Variants in SORL1 observed in about 807,000 individuals in gnomAD.
The protein encoded by SORL1 is sortilin related receptor 1, also known as sortilin-related receptor.
SORL1 carries 127 observed loss-of-function variants against 273.7 expected under a neutral mutation model. The observed-to-expected ratio is 0.46, with a 90% CI of 0.40 to 0.54. The LOEUF (loss-of-function observed/expected upper bound fraction) is 0.54. Ranked by LOEUF, SORL1 falls within the 20% of genes least tolerant of loss-of-function variation. The pLI is 0.00. For synonymous variants in SORL1, 1,031 were observed against 1,067.4 expected (o/e 0.97, Z 0.66); for missense variants, 2,494 against 2,846.1 (o/e 0.88, Z 2.81).
At position 121,543,190 on chromosome 11, in the gene SORL1, CAAAAAAAAAGAA is replaced by C. The variant is rs542276698; in HGVS notation, c.1686-340_1686-329del. ...TGGGTGACAGAGTGAGACTCCATCT[CAAAAAAAAAGAA>C]AAAAAAAAAGAAAAAAATTTCTCTT... is the stretch of plus-strand genomic sequence containing the variant. On this transcript the variant is annotated intron_variant, in intron 12 of 47. Coordinates refer to ENST00000260197, the MANE Select transcript of SORL1 (RefSeq NM_003105.6). Among the ~76,000 whole-genome samples the C allele has an allele frequency of 5.6e-3, 771 of 136,582 alleles. 7 individuals carry two copies. Among genetic ancestry groups the C allele is most frequent in the African/African-American group, 0.02 (736 of 36,858 alleles). The allele number at this position is 136,582 out of a possible 152,430, so 89.6% of individuals were successfully genotyped here.
chr11:121,589,936 T>G, intron 29 of SORL1, 104 bp from the exon 30 acceptor site: 1 of 1,376,422 alleles, frequency 7.3e-7, no homozygotes, highest in Admixed American at 1.9e-5. Context: ...GTGGGAAGTG[T>G]GGGTTGCCCT....
intron 40 of SORL1, 37 bp from the exon 41 acceptor site, chr11:121,614,834 A>G: frequency 6.3e-7 from 1 of 1,586,224 alleles, no homozygotes; most frequent in Non-Finnish European, 8.6e-7. Context: ...TAACACCCCC[A>G]ACTTCCTCCT....
In SORL1 at chr11:121,629,948, C is replaced by A. The variant is rs1393118640; in HGVS notation, c.*385C>A. The A allele has an allele frequency of 4.7e-6, 1 of 212,260 alleles. No individual in the cohort carries two copies. Among genetic ancestry groups the A allele is most frequent in the African/African-American group, 2.3e-5 (1 of 42,790 alleles). The allele number at this position is 212,260 out of a possible 1,614,324, so 13.1% of individuals were successfully genotyped here. ...GAGAGTGATGGGTGGAACCCCTTCT[C>A]CTTGAAAGTGTGTACAGATATTCCA... On this transcript the variant is annotated 3_prime_UTR_variant, in exon 48 of 48. Coordinates refer to ENST00000260197, the MANE Select transcript of SORL1 (RefSeq NM_003105.6).
At chr11:121,512,561 A>G (rs1861896070) in intron 6 of SORL1, among the ~76,000 whole-genome samples, 1 of 152,256 alleles carries the variant, frequency 6.6e-6, no homozygotes, top group Non-Finnish European at 1.5e-5. Context: ...ATCTAAAAAT[A>G]GGAGTAGAAA....
chr11:121,481,418 A>G (rs1263838452), intron 3 of SORL1, among the ~76,000 whole-genome samples: 29 of 121,214 alleles, frequency 2.4e-4, no homozygotes, highest in Non-Finnish European at 4.6e-4. Flanking sequence ...CCTCCTCCCC[A>G]GCTCCTCTCC....
At chr11:121,578,053 A>G (rs1862962614) in intron 25 of SORL1, among the ~76,000 whole-genome samples, 1 of 152,218 alleles carries the variant, frequency 6.6e-6, no homozygotes. Context: ...ATTCCATTTT[A>G]TAATCATCAC....
At chr11:121,597,600 G>A (rs1342269410) in intron 32 of SORL1, among the ~76,000 whole-genome samples, 2 of 151,980 alleles carry the variant, frequency 1.3e-5, no homozygotes, top group Admixed American at 6.6e-5. Context: ...TAGCTGGGAC[G>A]ACAGGCATGC....
At chr11:121,558,489 C>A in intron 19 of SORL1, 102 bp from the exon 20 acceptor site, 1 of 1,213,344 alleles carries the variant, frequency 8.2e-7, no homozygotes, top group South Asian at 1.3e-5. Flanking sequence ...AAATAACCAG[C>A]CGGATCATTC....
rs769806986 is a variant in SORL1, at chr11:121,557,371, C to T, written c.2629C>T (p.Arg877Cys). Residue 877 changes from arginine to cysteine, a missense_variant, in exon 19 of 48, where the codon CGT becomes TGT. Physicochemically the swap from Arg to Cys is radical, Grantham distance 180. Coordinates refer to ENST00000260197, the MANE Select transcript of SORL1 (RefSeq NM_003105.6). The stretch of plus-strand genomic sequence containing the variant: ...AATCGTCAATTCCTCTGTGCTTGAT[C>T]GTCCCAGGGCTCTGGTCCTCGTGCC... ...LTIVNSSVLD[R>C]PRALVLVPQE... 18 of 1,614,036 alleles carry T rather than the reference C, an allele frequency of 1.1e-5. No homozygotes were observed. Among genetic ancestry groups the T allele is most frequent in the South Asian group, 3.3e-5 (3 of 91,092 alleles).
chr11:121,619,771 T>C lies in SORL1; in HGVS notation c.5743T>C (p.Tyr1915His). The change falls in exon 43 of 48, where the codon TAC (tyrosine) becomes CAC (histidine). Residue 1915 changes from tyrosine to histidine, a missense_variant. By Grantham distance (83) the Tyr-to-His change is moderately conservative (BLOSUM62 2). Around this residue, in one of 3 missense-constraint regions of SORL1, gnomAD observed 1,609 missense variants for 1,816.4 expected, o/e 0.89. Transcript: ENST00000260197. ...GCTTCAGGTCCGTGTAGTGGTACCC[T>C]ACCAGGGGCCATCCTCTGACTACGT... is the stretch of plus-strand genomic sequence containing the variant. ...YLFLVRVVVP[Y>H]QGPSSDYVVV... 6.2e-7 allele frequency: 1 copy of C among 1,614,182 alleles called. No individual in the cohort carries two copies. Among genetic ancestry groups the C allele is most frequent in the Non-Finnish European group, 8.5e-7 (1 of 1,179,982 alleles).
chr11:121,469,922 T>A lies in SORL1; in HGVS notation c.286-85T>A, dbSNP rs1861143871. On this transcript the variant is annotated intron_variant, in intron 1 of 47. Coordinates refer to ENST00000260197, the MANE Select transcript of SORL1 (RefSeq NM_003105.6). The stretch of plus-strand genomic sequence containing the variant: ...TGGCAGAATCTTCATCATTTCTGCT[T>A]GACAAAGGAGGAAAGAGTCTTGATT... 6 of 983,018 alleles carry A rather than the reference T, an allele frequency of 6.1e-6. No individual in the cohort carries two copies. The South Asian group carries it at 7.9e-5, about 13-fold the overall frequency. 60.9% of individuals were successfully genotyped at this position (983,018 alleles called of 1,614,324 possible).
At chr11:121,548,180 GTA>G (rs1862461031) in intron 14 of SORL1, among the ~76,000 whole-genome samples, 1 of 152,206 alleles carries the variant, frequency 6.6e-6, no homozygotes, top group Admixed American at 6.5e-5. Flanking sequence ...ACTTTTAAAT[GTA>G]TGATGGGGCC....
At chr11:121,459,460 T>C (rs554230407) in intron 1 of SORL1, among the ~76,000 whole-genome samples, 16 of 152,152 alleles carry the variant, frequency 1.1e-4, no homozygotes, top group Non-Finnish European at 2.1e-4. Flanking sequence ...GAGACAGTGG[T>C]CCTTCTTTCC....
chr11:121,590,201 G>A, intron 30 of SORL1, 27 bp downstream of exon 30: 4 of 1,611,524 alleles, frequency 2.5e-6, no homozygotes, highest in Non-Finnish European at 3.4e-6. Flanking sequence ...GCCTGGGTTA[G>A]CCCCATAACC....
chr11:121,595,519 T>C lies in SORL1; in HGVS notation c.4370-104T>C, dbSNP rs1863279637. On this transcript the variant is annotated intron_variant, in intron 31 of 47. Transcript: ENST00000260197. This position sits in a 1 kb window ranked among gnomAD's most constrained non-coding sequence, Gnocchi z 5.1. Reference sequence around the variant, plus strand: ...CTCGCATTTGTCTTCAGGTTCCCATTGTAATTTCTAAAGCACCGTAATCTC... The same window carrying C: ...CTCGCATTTGTCTTCAGGTTCCCATCGTAATTTCTAAAGCACCGTAATCTC... 1.9e-6 allele frequency: 2 copies of C among 1,047,230 alleles called. No individual in the cohort carries two copies. The highest frequency in any genetic ancestry group is 4.4e-5 in the Admixed American group (2 of 45,424). The allele number at this position is 1,047,230 out of a possible 1,614,324, so 64.9% of individuals were successfully genotyped here. A position where few individuals can be genotyped will look rare whatever the true frequency, so the allele number is the denominator to read the frequency against.
At chr11:121,615,547 A>T (rs1863627594) in intron 41 of SORL1, among the ~76,000 whole-genome samples, 1 of 152,034 alleles carries the variant, frequency 6.6e-6, no homozygotes, top group Non-Finnish European at 1.5e-5. Flanking sequence ...TACCTTCCTA[A>T]CTAGTTTGTA....
rs748052837 is a variant in SORL1 at position 121,478,254 on chromosome 11, G to A, written c.528+11G>A. On this transcript the variant is annotated intron_variant, in intron 3 of 47. Coordinates refer to ENST00000260197, the MANE Select transcript of SORL1 (RefSeq NM_003105.6). Reference sequence around the variant, plus strand: ...GCGGACAACAAGCGGGTAAGGAAGTGGCCATCCCTCCTGTCCCGACTTCAT... The same window carrying A: ...GCGGACAACAAGCGGGTAAGGAAGTAGCCATCCCTCCTGTCCCGACTTCAT... 6.2e-7 allele frequency: 1 copy of A among 1,613,250 alleles called. No individual in the cohort carries two copies. The highest frequency in any genetic ancestry group is 1.3e-5 in the African/African-American group (1 of 74,882).
In SORL1 at chr11:121,633,075, A is replaced by G. The variant is rs1863896503; in HGVS notation, c.*3512A>G. On this transcript the variant is annotated 3_prime_UTR_variant, in exon 48 of 48. Coordinates refer to ENST00000260197, the MANE Select transcript of SORL1 (RefSeq NM_003105.6). ...GCCTTTCAGGTACAATTTTTGTGTAATAAAAGCCAGTGCATTAAGTTTATA... is the reference window on the plus strand; with the variant it reads ...GCCTTTCAGGTACAATTTTTGTGTAGTAAAAGCCAGTGCATTAAGTTTATA... The G allele has an allele frequency of 6.6e-6, 1 of 152,190 alleles. No homozygotes were observed. The highest frequency in any genetic ancestry group is 6.5e-5 in the Admixed American group (1 of 15,268). The allele number at this position is 152,190 out of a possible 1,614,324, so 9.4% of individuals were successfully genotyped here. A position where few individuals can be genotyped will look rare whatever the true frequency, so the allele number is the denominator to read the frequency against.
chr11:121,490,238 A>T, intron 5 of SORL1, 128 bp downstream of exon 5: 1 of 674,800 alleles, frequency 1.5e-6, no homozygotes, highest in Non-Finnish European at 2.7e-6. Flanking sequence ...ATTTTTCCAG[A>T]TCTGAGAATT....
Sources: gnomAD v4.1 joint callset for allele counts (sites outside exome capture counted in the v4.1 genomes callset) on GRCh38, gnomAD v4.1.1 for gene constraint, gnomAD v4.1.1 regional missense constraint, Gnocchi (gnomAD v3.1) non-coding constraint, MANE v1.5 for transcripts, NCBI Gene and HGNC (gene_info 2026-07-23, HGNC 2026-07-21) for gene names.